RABGAP1: variants seen among roughly 807,000 people sequenced by gnomAD.
RABGAP1 encodes the protein rab GTPase-activating protein 1.
RABGAP1 carries 23 observed loss-of-function variants against 137.6 expected under a neutral mutation model. The ratio of observed to expected loss-of-function variants is 0.17; its 90% CI spans 0.12 to 0.24. The LOEUF (loss-of-function observed/expected upper bound fraction) is 0.24, where lower values mean the gene tolerates loss of function less well. Among genes scored for constraint, RABGAP1 ranks in the 10% least tolerant of loss-of-function variants. The probability of loss-of-function intolerance (pLI) is 1.00; values close to 1 mark genes in which losing one functional copy is unlikely to be tolerated. For synonymous variants in RABGAP1, 451 were observed against 450.7 expected (o/e 1.00, Z -0.01); for missense variants, 906 against 1,275.8 (o/e 0.71, Z 4.42).
At chr9:122,941,815 T>C (rs1390721236) in intron 1 of RABGAP1, among the ~76,000 whole-genome samples, 1 of 152,272 alleles carries the variant, frequency 6.6e-6, no homozygotes, top group Admixed American at 6.5e-5. Flanking sequence ...TACTTTGGTC[T>C]CTGCTCTTCT....
chr9:122,989,384 T>C lies in RABGAP1; in HGVS notation c.678T>C (p.Pro226=). The change falls in exon 5 of 26, where the codon CCT becomes CCC. Residue 226 remains proline, a synonymous_variant. Transcript: ENST00000373647. ...GTGTCAGAGGGCATGATGGAACTCC[T>C]GAGAGTGACTGTTTTGCTTTCACTG... ...LFCVRGHDGT[P]ESDCFAFTES... The C allele has an allele frequency of 6.2e-7, 1 of 1,614,066 alleles. No homozygotes were observed. Among genetic ancestry groups the C allele is most frequent in the African/African-American group, 1.3e-5 (1 of 75,066 alleles).
At chr9:123,096,917 A>G (rs749485351) in intron 21 of RABGAP1, among the ~76,000 whole-genome samples, 1 of 152,172 alleles carries the variant, frequency 6.6e-6, no homozygotes, top group Non-Finnish European at 1.5e-5. Flanking sequence ...TTTCTTCCAA[A>G]GAAGATACAG....
chr9:122,947,520 A>G (rs1834006021), intron 1 of RABGAP1, among the ~76,000 whole-genome samples: 1 of 152,238 alleles, frequency 6.6e-6, no homozygotes, highest in South Asian at 2.1e-4. Flanking sequence ...TACAACTTAT[A>G]AAAAAGATGT....
At chr9:123,102,982 G>C in intron 25 of RABGAP1, 109 bp from the exon 26 acceptor site, 3 of 1,376,556 alleles carry the variant, frequency 2.2e-6, no homozygotes, top group Non-Finnish European at 2.9e-6. Context: ...GGAATTCCCC[G>C]AGGCCTCTCC....
intron 21 of RABGAP1, among the ~76,000 whole-genome samples, chr9:123,096,305 A>G (rs867753581): frequency 6.6e-6 from 1 of 152,352 alleles, no homozygotes; most frequent in Middle Eastern, 3.4e-3. Context: ...ATAATGATAA[A>G]AGAGTCACTC....
At position 123,076,666 on chromosome 9, in the gene RABGAP1, T is replaced by C; in HGVS notation, c.2328T>C (p.Phe776=). 6.2e-7 allele frequency: 1 copy of C among 1,605,094 alleles called. No individual in the cohort carries two copies. The highest frequency in any genetic ancestry group is 8.5e-7 in the Non-Finnish European group (1 of 1,176,058). The part of the protein sequence containing the change: ...TSKDDLLLTD[F]EGALKFFRVQ... ...AAGATGACCTGCTGTTGACAGACTT[T>C]GAAGGTGCCTTGAAGTTCTTTAGGG... Residue 776 remains phenylalanine (F), a synonymous_variant, in exon 19 of 26, where the codon TTT becomes TTC. Coordinates refer to ENST00000373647, the MANE Select transcript of RABGAP1 (RefSeq NM_012197.4).
intron 1 of RABGAP1, among the ~76,000 whole-genome samples, chr9:122,950,945 G>A (rs1277327348): frequency 6.6e-6 from 1 of 152,144 alleles, no homozygotes; most frequent in Non-Finnish European, 1.5e-5. Context: ...AAGAGTTTCA[G>A]AATAAGAAAA....
intron 13 of RABGAP1, chr9:123,034,298 T>G: frequency 2.0e-6 from 1 of 490,996 alleles, no homozygotes. Flanking sequence ...GCTCCCCTGG[T>G]GCTATGTGTA....
At chr9:123,007,669 AC>A (rs1219455357) in intron 10 of RABGAP1, among the ~76,000 whole-genome samples, 1 of 147,226 alleles carries the variant, frequency 6.8e-6, no homozygotes, top group African/African-American at 2.5e-5. Context: ...AAAATGCGCA[AC>A]CTCCCAAAGT....
intron 19 of RABGAP1, among the ~76,000 whole-genome samples, chr9:123,087,354 TA>T: frequency 6.6e-6 from 1 of 152,342 alleles, no homozygotes; most frequent in African/African-American, 2.4e-5. Context: ...TGTTTTTTTT[TA>T]ATAAAGTGCC....
chr9:123,017,548 A>G (rs1348709216), intron 12 of RABGAP1, among the ~76,000 whole-genome samples: 1 of 152,164 alleles, frequency 6.6e-6, no homozygotes, highest in Non-Finnish European at 1.5e-5. Context: ...GAAGCATTGT[A>G]ATAATGGAAT....
At chr9:123,031,385 G>T (rs2032288225) in intron 13 of RABGAP1, among the ~76,000 whole-genome samples, 2 of 152,126 alleles carry the variant, frequency 1.3e-5, no homozygotes, top group South Asian at 4.1e-4. Context: ...TTGGCTGGAG[G>T]GCAGGTTATT....
chr9:123,005,920 T>C (rs2030218878), intron 10 of RABGAP1, among the ~76,000 whole-genome samples: 1 of 152,224 alleles, frequency 6.6e-6, no homozygotes, highest in Non-Finnish European at 1.5e-5. Context: ...GTTGTCAGAC[T>C]TAAGGATCTG....
At chr9:123,054,960 C>G (rs1330311927) in intron 13 of RABGAP1, among the ~76,000 whole-genome samples, 1 of 152,120 alleles carries the variant, frequency 6.6e-6, no homozygotes, top group Non-Finnish European at 1.5e-5. Flanking sequence ...TGTCAGTTTT[C>G]TCCACCATAA....
At chr9:122,984,291 A>C (rs928323142) in intron 2 of RABGAP1, among the ~76,000 whole-genome samples, 194 bp from the exon 3 acceptor site, 3 of 152,148 alleles carry the variant, frequency 2.0e-5, no homozygotes, top group Non-Finnish European at 4.4e-5. Context: ...TTCATGAAAA[A>C]CTATGTAATT....
chr9:122,994,907 A>G (rs1836936493), intron 6 of RABGAP1, among the ~76,000 whole-genome samples: 1 of 152,130 alleles, frequency 6.6e-6, no homozygotes, highest in Admixed American at 6.6e-5. Flanking sequence ...GCTTGAGCCC[A>G]TGAGTTCGAG....
intron 11 of RABGAP1, among the ~76,000 whole-genome samples, chr9:123,013,919 A>G (rs2031019215): frequency 6.6e-6 from 1 of 152,230 alleles, no homozygotes; most frequent in African/African-American, 2.4e-5. Flanking sequence ...AAATCTAGAA[A>G]GAGCATTGGT....
chr9:123,071,791 T>G (rs545633920), intron 15 of RABGAP1, among the ~76,000 whole-genome samples: 2 of 152,270 alleles, frequency 1.3e-5, no homozygotes, highest in Admixed American at 1.3e-4. Flanking sequence ...TAGATCTATT[T>G]GAAAAGGGAG....
chr9:123,045,672 ATTATG>A lies in RABGAP1; in HGVS notation c.1795-19672_1795-19668del, dbSNP rs371318670. 2.4e-4 allele frequency among the ~76,000 whole-genome samples: 37 copies of A among 152,290 alleles called. No individual in the cohort carries two copies. The East Asian group carries it at 6.9e-3, about 29-fold the overall frequency. On this transcript the variant is annotated intron_variant, in intron 13 of 25. Coordinates refer to ENST00000373647, the MANE Select transcript of RABGAP1 (RefSeq NM_012197.4). ...GGAGTTGGTTTAAGATCAGTTGCAT[ATTATG>A]TTAATAGTAAGGCTTTTAAAGTTGT...
Sources: gnomAD v4.1 joint callset for allele counts (sites outside exome capture counted in the v4.1 genomes callset) on GRCh38, gnomAD v4.1.1 for gene constraint, MANE v1.5 for transcripts, NCBI Gene and HGNC (gene_info 2026-07-23, HGNC 2026-07-21) for gene names.